The following RFX2 variants were observed in gnomAD, a reference collection of about 807,000 sequenced individuals.
RFX2 encodes regulatory factor X2.
Under a neutral mutation model 87.8 loss-of-function variants are expected in RFX2, and 20 were observed. The ratio of observed to expected loss-of-function variants is 0.23; its 90% CI spans 0.16 to 0.33. The LOEUF (loss-of-function observed/expected upper bound fraction) is 0.33. RFX2 is among the 10% of genes least tolerant of loss of function. The pLI, the probability that RFX2 is intolerant of heterozygous loss-of-function variation, is 1.00. For synonymous variants in RFX2, 397 were observed against 431.3 expected (o/e 0.92, Z 0.98); for missense variants, 767 against 1,012.3 (o/e 0.76, Z 3.29).
At chr19:6,071,415 A>G (rs2087604714) in intron 1 of RFX2, among the ~76,000 whole-genome samples, 1 of 152,210 alleles carries the variant, frequency 6.6e-6, no homozygotes, top group Non-Finnish European at 1.5e-5. Context: ...AGGCACAGAC[A>G]TATCTCAATT....
intron 7 of RFX2, among the ~76,000 whole-genome samples, chr19:6,015,271 T>C (rs2086709392): frequency 1.3e-5 from 2 of 151,744 alleles, no homozygotes; most frequent in African/African-American, 2.4e-5. Flanking sequence ...CTACTAAAAA[T>C]ATAAAAATTA....
rs2087163737 is a variant in RFX2, at chr19:6,044,697, CCCT to C, written c.91-418_91-416del. ...CCTAGTACAGAGGGGACTGCTGGGG[CCCT>C]CTGGATAGCCATCCGCACCACTGCG... On this transcript the variant is annotated intron_variant, in intron 2 of 17. Transcript: ENST00000303657. The surrounding 1 kb of genome is among the most constrained non-coding windows in gnomAD (Gnocchi z 5.3). Among the ~76,000 whole-genome samples the C allele has an allele frequency of 2.6e-5, 4 of 152,212 alleles. No individual in the cohort carries two copies. The South Asian group carries it at 8.3e-4, about 32-fold the overall frequency.
intron 5 of RFX2, among the ~76,000 whole-genome samples, chr19:6,035,845 TGG>T (rs746972870): frequency 0.05 from 5,377 of 107,096 alleles, 244 homozygotes; most frequent in African/African-American, 0.18. Context: ...CAGAGCTTGG[TGG>T]GGGGTGTGTG....
chr19:6,045,911 T>C lies in RFX2; in HGVS notation c.90+1496A>G, dbSNP rs2087183170. Among the ~76,000 whole-genome samples, 1 of 152,150 alleles carries C rather than the reference T, an allele frequency of 6.6e-6. No homozygotes were observed. The highest frequency in any genetic ancestry group is 1.5e-5 in the Non-Finnish European group (1 of 68,028). The stretch of plus-strand genomic sequence containing the variant: ...CATGTTACTCAGACTGGTCTCAAAC[T>C]CCTGACCTCAGGTGATCCACCCACC... On this transcript the variant is annotated intron_variant, in intron 2 of 17. Transcript: ENST00000303657. The surrounding 1 kb of genome is among the most constrained non-coding windows in gnomAD (Gnocchi z 5.2).
In RFX2 at chr19:5,998,836, C is replaced by T. The variant is rs1397961498; in HGVS notation, c.1860-1623G>A. Among the ~76,000 whole-genome samples the T allele has an allele frequency of 6.6e-6, 1 of 152,208 alleles. No homozygotes were observed. The highest frequency in any genetic ancestry group is 1.5e-5 in the Non-Finnish European group (1 of 68,034). ...TCGGCCGACCACCACCAAGGGAGGC[C>T]CAGCCAGAGCTTGGGGATGACCAGC... On this transcript the variant is annotated intron_variant, in intron 15 of 17. Coordinates refer to ENST00000303657, the MANE Select transcript of RFX2 (RefSeq NM_000635.4). This position sits in a 1 kb window ranked among gnomAD's most constrained non-coding sequence, Gnocchi z 4.2.
Position 6,026,496 on chromosome 19 carries a change from GT to G in RFX2, c.523-260del. 1.8e-6 allele frequency: 1 copy of G among 547,942 alleles called. No homozygotes were observed. Among genetic ancestry groups the G allele is most frequent in the Non-Finnish European group, 3.3e-6 (1 of 306,590 alleles). The allele number at this position is 547,942 out of a possible 1,614,324, so 33.9% of individuals were successfully genotyped here. On this transcript the variant is annotated intron_variant, in intron 5 of 17. Transcript: ENST00000303657. This position sits in a 1 kb window ranked among gnomAD's most constrained non-coding sequence, Gnocchi z 4.5. ...CAACAGAAGCAGCAGAAATCATGTT[GT>G]AAAAACTTGCTACTGAACTTTAACC...
At chr19:6,092,952 G>A (rs1385704470) in intron 1 of RFX2, among the ~76,000 whole-genome samples, 1 of 150,854 alleles carries the variant, frequency 6.6e-6, no homozygotes, top group African/African-American at 2.5e-5. Context: ...CACGCATGTG[G>A]TAAAAAAAAG....
In RFX2 at chr19:6,008,000, G is replaced by C. The variant is rs2086606886; in HGVS notation, c.1134+106C>G. 2 of 884,808 alleles carry C rather than the reference G, an allele frequency of 2.3e-6. No homozygotes were observed. The highest frequency in any genetic ancestry group is 2.9e-5 in the South Asian group (2 of 69,944). The allele number at this position is 884,808 out of a possible 1,614,324, so 54.8% of individuals were successfully genotyped here. A position where few individuals can be genotyped will look rare whatever the true frequency, so the allele number is the denominator to read the frequency against. Reference sequence around the variant, plus strand: ...CTTCAGAGAGGATGCTTGTTGGGGGGCTCGGGGCTCCAGCTCCTCAGCGTC... The same window carrying C: ...CTTCAGAGAGGATGCTTGTTGGGGGCCTCGGGGCTCCAGCTCCTCAGCGTC... On this transcript the variant is annotated intron_variant, in intron 10 of 17. Transcript: ENST00000303657. The surrounding 1 kb of genome is among the most constrained non-coding windows in gnomAD (Gnocchi z 8.2).
chr19:6,007,818 C>A lies in RFX2; in HGVS notation c.1135-16G>T, dbSNP rs764678900. ...CTACAGTTGCCTAGGAATGAAGGGA[C>A]CGGTGAGACAGACGGGTGCGTGCGC... is the stretch of plus-strand genomic sequence containing the variant. On this transcript the variant is annotated splice_polypyrimidine_tract_variant and intron_variant, in intron 10 of 17. Coordinates refer to ENST00000303657, the MANE Select transcript of RFX2 (RefSeq NM_000635.4). This position sits in a 1 kb window ranked among gnomAD's most constrained non-coding sequence, Gnocchi z 8.2. 1 of 1,499,900 alleles carries A rather than the reference C, an allele frequency of 6.7e-7. No individual in the cohort carries two copies. Among genetic ancestry groups the A allele is most frequent in the Non-Finnish European group, 9.1e-7 (1 of 1,099,566 alleles). 92.9% of individuals were successfully genotyped at this position (1,499,900 alleles called of 1,614,324 possible). A position where few individuals can be genotyped will look rare whatever the true frequency, so the allele number is the denominator to read the frequency against.
intron 1 of RFX2, among the ~76,000 whole-genome samples, chr19:6,097,102 G>A (rs2088041036): frequency 6.6e-6 from 1 of 152,242 alleles, no homozygotes; most frequent in Non-Finnish European, 1.5e-5. Context: ...GTAGAAAAGA[G>A]GGCAGTGGGT....
rs542127317 is a variant in RFX2 at position 6,078,989 on chromosome 19, T to C, written c.-9+31404A>G. On this transcript the variant is annotated intron_variant, in intron 1 of 17. Transcript: ENST00000303657. Reference sequence around the variant, plus strand: ...CGGGGTTTCACCATGTTGGCCAGGCTGGTCTCGAACTCCTGACCTCAAGAG... The same window carrying C: ...CGGGGTTTCACCATGTTGGCCAGGCCGGTCTCGAACTCCTGACCTCAAGAG... 2.0e-5 allele frequency among the ~76,000 whole-genome samples: 3 copies of C among 152,360 alleles called. No homozygotes were observed. The South Asian group carries it at 6.2e-4, about 32-fold the overall frequency.
At chr19:6,003,526 C>T (rs144928649) in intron 13 of RFX2, among the ~76,000 whole-genome samples, 74 of 152,086 alleles carry the variant, frequency 4.9e-4, no homozygotes, top group South Asian at 1.5e-3. Context: ...CCTGTAATCC[C>T]GGTACTTTGG....
Position 6,096,603 on chromosome 19 carries a change from T to C in RFX2, c.-9+13790A>G, listed in dbSNP as rs528990546. On this transcript the variant is annotated intron_variant, in intron 1 of 17. Coordinates refer to ENST00000303657, the MANE Select transcript of RFX2 (RefSeq NM_000635.4). ...CTGGGACTACAGGCGCCCACCACCA[T>C]GCCCGACTAATTTTTTATATTTTTA... 2.2e-4 allele frequency among the ~76,000 whole-genome samples: 33 copies of C among 152,196 alleles called. No homozygotes were observed. In the East Asian group the frequency reaches 3.1e-3, roughly 14 times the overall value.
At chr19:6,091,114 T>C (rs1396098068) in intron 1 of RFX2, among the ~76,000 whole-genome samples, 1 of 152,212 alleles carries the variant, frequency 6.6e-6, no homozygotes, top group Non-Finnish European at 1.5e-5. Context: ...GGAAATGTTC[T>C]GGAATTAGAG....
At chr19:6,053,181 C>T (rs927204563) in intron 1 of RFX2, among the ~76,000 whole-genome samples, 1 of 152,058 alleles carries the variant, frequency 6.6e-6, no homozygotes, top group Non-Finnish European at 1.5e-5. Context: ...AAGGAGCTAT[C>T]AAGCCATGAA....
Position 6,083,212 on chromosome 19 carries a change from C to T in RFX2, c.-9+27181G>A, listed in dbSNP as rs2087810176. ...ATGAGCCACTGTGCCCGGCCTTCAT[C>T]ATGAAATTTTTTGGCATTTATTTTG... is the stretch of plus-strand genomic sequence containing the variant. On this transcript the variant is annotated intron_variant, in intron 1 of 17. Transcript: ENST00000303657. This position sits in a 1 kb window ranked among gnomAD's most constrained non-coding sequence, Gnocchi z 4.6. Among the ~76,000 whole-genome samples, 1 of 152,124 alleles carries T rather than the reference C, an allele frequency of 6.6e-6. No individual in the cohort carries two copies. Among genetic ancestry groups the T allele is most frequent in the Non-Finnish European group, 1.5e-5 (1 of 68,020 alleles).
At position 6,002,865 on chromosome 19, in the gene RFX2, G is replaced by A. The variant is rs772995404; in HGVS notation, c.1506C>T (p.Gly502=). 1.7e-5 allele frequency: 27 copies of A among 1,605,924 alleles called. No homozygotes were observed. The highest frequency in any genetic ancestry group is 6.7e-5 in the African/African-American group (5 of 74,884). The part of the protein sequence containing the change: ...FPQQVIQTKV[G]VVSAFAQTLR... ...GCGTCTGGGCGAAGGCACTGACGAC[G>A]CCCACCTGTAAGCCAGGGCTCGTGG... The change falls in exon 14 of 18, where the codon GGC becomes GGT. Residue 502 remains glycine, a synonymous_variant. Coordinates refer to ENST00000303657, the MANE Select transcript of RFX2 (RefSeq NM_000635.4). The surrounding 1 kb of genome is among the most constrained non-coding windows in gnomAD (Gnocchi z 6.7).
In RFX2 at chr19:6,010,510, G is replaced by T. The variant is rs916332184; in HGVS notation, c.900-259C>A. On this transcript the variant is annotated intron_variant, in intron 8 of 17. Coordinates refer to ENST00000303657, the MANE Select transcript of RFX2 (RefSeq NM_000635.4). This position sits in a 1 kb window ranked among gnomAD's most constrained non-coding sequence, Gnocchi z 5.0. ...GATCATCTTCCCACACTGAAGCTCT[G>T]TCTCCATAAAACGCTCACTCCCCAT... 1.3e-5 allele frequency among the ~76,000 whole-genome samples: 2 copies of T among 152,258 alleles called. No homozygotes were observed. The highest frequency in any genetic ancestry group is 1.9e-4 in the East Asian group (1 of 5,186).
chr19:6,035,818 CAAG>C (rs1435472267), intron 5 of RFX2, among the ~76,000 whole-genome samples: 10 of 150,526 alleles, frequency 6.6e-5, no homozygotes, highest in Non-Finnish European at 1.2e-4. Flanking sequence ...GATTCGTATC[CAAG>C]ATGATGACTC....
Sources: allele counts gnomAD v4.1 joint callset (sites outside exome capture counted in the v4.1 genomes callset), GRCh38; gene constraint gnomAD v4.1.1; non-coding constraint Gnocchi (gnomAD v3.1); transcripts MANE v1.5; gene names NCBI Gene and HGNC (gene_info 2026-07-23, HGNC 2026-07-21).